The following ADGRB3 variants were observed in gnomAD, a reference collection of about 807,000 sequenced individuals.
The protein encoded by ADGRB3 is brain-specific angiogenesis inhibitor 3.
Under a neutral mutation model 193.4 loss-of-function variants are expected in ADGRB3, and 37 were observed. The observed-to-expected ratio is 0.19, with a 90% CI of 0.15 to 0.25. ADGRB3 has a LOEUF of 0.25. Among genes scored for constraint, ADGRB3 ranks in the 10% least tolerant of loss-of-function variants. The pLI, the probability that ADGRB3 is intolerant of heterozygous loss-of-function variation, is 1.00. For missense variants in ADGRB3, 1,637 were observed against 1,852.9 expected (o/e 0.88, Z 2.14); for synonymous variants, 690 against 644.2 (o/e 1.07, Z -1.08).
rs1322337740 is a variant in ADGRB3, at chr6:69,166,969, A to G, written c.2481-66321A>G. Reference sequence around the variant, plus strand: ...ATGTTTGATGATGTTCAAGTTAACAATTAGGTTATGCAAATCTTAATCTGA... The same window carrying G: ...ATGTTTGATGATGTTCAAGTTAACAGTTAGGTTATGCAAATCTTAATCTGA... On this transcript the variant is annotated intron_variant, in intron 17 of 31. Transcript: ENST00000370598. Among the ~76,000 whole-genome samples the G allele has an allele frequency of 7.2e-5, 11 of 152,206 alleles. 1 individual carries two copies. In the South Asian group the frequency reaches 1.5e-3, roughly 20 times the overall value.
chr6:69,045,543 G>T (rs766477597), intron 13 of ADGRB3, among the ~76,000 whole-genome samples: 1 of 152,176 alleles, frequency 6.6e-6, no homozygotes, highest in Admixed American at 6.5e-5. Context: ...AAAAGTATGT[G>T]AGGTAGTGCT....
At chr6:68,730,875 A>G (rs1765760767) in intron 3 of ADGRB3, among the ~76,000 whole-genome samples, 1 of 151,674 alleles carries the variant, frequency 6.6e-6, no homozygotes, top group Non-Finnish European at 1.5e-5. Flanking sequence ...ACGTTAATCT[A>G]CAGATTGAGA....
At chr6:68,723,215 A>G (rs964134269) in intron 3 of ADGRB3, among the ~76,000 whole-genome samples, 1 of 151,780 alleles carries the variant, frequency 6.6e-6, no homozygotes, top group Non-Finnish European at 1.5e-5. Flanking sequence ...ACATGGAGTC[A>G]GTTCTTAGAT....
intron 3 of ADGRB3, among the ~76,000 whole-genome samples, chr6:68,752,102 G>A (rs1280339969): frequency 6.6e-6 from 1 of 151,926 alleles, no homozygotes; most frequent in Admixed American, 6.6e-5. Context: ...GTAAAATTTA[G>A]GCATAAAAAT....
chr6:69,255,103 A>G (rs930463823), intron 20 of ADGRB3, among the ~76,000 whole-genome samples: 3 of 151,728 alleles, frequency 2.0e-5, no homozygotes, highest in African/African-American at 7.3e-5. Flanking sequence ...AATCCAGTCT[A>G]TCACTGTTGG....
intron 3 of ADGRB3, among the ~76,000 whole-genome samples, chr6:68,762,829 A>G (rs914385484): frequency 3.3e-5 from 5 of 152,140 alleles, no homozygotes; most frequent in Admixed American, 2.0e-4. Context: ...AAAACCTGCT[A>G]AGTGAATTAT....
intron 7 of ADGRB3, 103 bp downstream of exon 7, chr6:68,956,291 T>TTA (rs143618979): frequency 0.35 from 247,873 of 703,304 alleles, 42,205 homozygotes; most frequent in East Asian, 0.49. Flanking sequence ...AAGATAATCA[T>TTA]TATATATATA....
intron 17 of ADGRB3, among the ~76,000 whole-genome samples, chr6:69,222,564 CATAGATCAT>C (rs1363660979): frequency 6.6e-6 from 1 of 152,040 alleles, no homozygotes; most frequent in East Asian, 1.9e-4. Context: ...ATGTTTATTT[CATAGATCAT>C]ATAGATCATG....
chr6:69,253,889 C>G (rs749469625), intron 20 of ADGRB3, among the ~76,000 whole-genome samples: 8 of 152,024 alleles, frequency 5.3e-5, no homozygotes, highest in Non-Finnish European at 1.0e-4. Flanking sequence ...ATCAAAAACT[C>G]ATGAGCCATT....
rs569083547 is a variant in ADGRB3 at position 68,653,266 on chromosome 6, C to T, written c.757+13834C>T. Among the ~76,000 whole-genome samples, 8 of 152,240 alleles carry T rather than the reference C, an allele frequency of 5.3e-5. No homozygotes were observed. In the East Asian group the frequency reaches 1.4e-3, roughly 26 times the overall value. On this transcript the variant is annotated intron_variant, in intron 3 of 31. Transcript: ENST00000370598. ...GAGGCATGAGCAAGGAATAAAACTT[C>T]CTTTTTTGAGACGCTGAGAAGTTAG...
chr6:68,840,197 G>A (rs552235305), intron 3 of ADGRB3, among the ~76,000 whole-genome samples: 1 of 151,960 alleles, frequency 6.6e-6, no homozygotes, highest in Non-Finnish European at 1.5e-5. Context: ...GTATTTGGGG[G>A]ACACGTGAAC....
intron 3 of ADGRB3, among the ~76,000 whole-genome samples, chr6:68,848,205 G>A (rs1277105641): frequency 1.3e-5 from 2 of 151,916 alleles, no homozygotes; most frequent in East Asian, 3.9e-4. Context: ...AAACAATGAA[G>A]AGGTAATAGT....
intron 17 of ADGRB3, among the ~76,000 whole-genome samples, chr6:69,105,272 C>G (rs1773175551): frequency 6.6e-6 from 1 of 152,304 alleles, no homozygotes; most frequent in Non-Finnish European, 1.5e-5. Context: ...ATTTCAGCCT[C>G]TAAAATTTCC....
intron 20 of ADGRB3, among the ~76,000 whole-genome samples, chr6:69,317,764 T>C (rs530349593): frequency 6.6e-6 from 1 of 151,652 alleles, no homozygotes; most frequent in South Asian, 2.1e-4. Context: ...GTCTACTGCC[T>C]ATTATTTTTT....
At chr6:69,219,375 T>C (rs1765839928) in intron 17 of ADGRB3, among the ~76,000 whole-genome samples, 1 of 149,000 alleles carries the variant, frequency 6.7e-6, no homozygotes, top group African/African-American at 2.5e-5. Context: ...TCAGTAACAG[T>C]CACCATATGA....
chr6:68,775,270 CA>C (rs1268370618), intron 3 of ADGRB3, among the ~76,000 whole-genome samples: 2 of 151,846 alleles, frequency 1.3e-5, no homozygotes, highest in African/African-American at 4.8e-5. Context: ...AAAAAGGACC[CA>C]GGCAGGAAAA....
intron 28 of ADGRB3, among the ~76,000 whole-genome samples, chr6:69,358,603 G>A (rs1032336991): frequency 3.3e-5 from 5 of 151,900 alleles, no homozygotes; most frequent in African/African-American, 9.7e-5. Context: ...ATGTTGAAGC[G>A]TATTCATGAA....
chr6:69,102,755 G>A (rs3823073), intron 17 of ADGRB3, among the ~76,000 whole-genome samples: 1 of 152,152 alleles, frequency 6.6e-6, no homozygotes, highest in Non-Finnish European at 1.5e-5. Context: ...GAACAAATTG[G>A]ACTTGTAATG....
At chr6:69,108,747 A>C (rs1003354895) in intron 17 of ADGRB3, among the ~76,000 whole-genome samples, 1 of 152,192 alleles carries the variant, frequency 6.6e-6, no homozygotes, top group African/African-American at 2.4e-5. Flanking sequence ...GATTTGGAAA[A>C]ATGCTGGAAA....
Sources: gnomAD v4.1 joint callset for allele counts (sites outside exome capture counted in the v4.1 genomes callset) on GRCh38, gnomAD v4.1.1 for gene constraint, MANE v1.5 for transcripts, NCBI Gene and HGNC (gene_info 2026-07-23, HGNC 2026-07-21) for gene names.